ATP10B: variants seen among roughly 807,000 people sequenced by gnomAD.
ATP10B encodes ATPase phospholipid transporting 10B (putative), also known as phospholipid-transporting ATPase VB.
A neutral mutation model predicts 141.2 loss-of-function variants in ATP10B; 122 were observed. That is an observed-to-expected ratio of 0.86 (90% CI 0.75 to 1.00). The LOEUF (loss-of-function observed/expected upper bound fraction) is 1.00, where lower values mean the gene tolerates loss of function less well. Among genes scored for constraint, ATP10B ranks in the 50% least tolerant of loss-of-function variants. ATP10B has a pLI of 0.00. For missense variants in ATP10B, 1,876 were observed against 1,825.3 expected, an observed-to-expected ratio of 1.03 and a Z score of -0.51; for synonymous variants, 685 against 692.0, an observed-to-expected ratio of 0.99 and a Z score of 0.16.
chr5:160,876,333 C>A, the ATP10B span, among the ~76,000 whole-genome samples: 6 of 143,738 alleles, frequency 4.2e-5, no homozygotes, highest in African/African-American at 1.5e-4. Context: ...TTCTTTGAAA[C>A]CAACGAGAAC....
chr5:160,808,455 T>A (rs1561875859), intron 1 of ATP10B, among the ~76,000 whole-genome samples: 2 of 152,188 alleles, frequency 1.3e-5, no homozygotes, highest in African/African-American at 2.4e-5. Context: ...CAAATTTGAC[T>A]TTGTGTGTTC....
intron 21 of ATP10B, among the ~76,000 whole-genome samples, chr5:160,601,961 C>T (rs1380955570): frequency 6.6e-6 from 1 of 152,210 alleles, no homozygotes; most frequent in Non-Finnish European, 1.5e-5. Context: ...TTCACCCTCA[C>T]TCTCCCAAGG....
At chr5:160,635,254 G>C (rs1759274772) in intron 11 of ATP10B, among the ~76,000 whole-genome samples, 1 of 152,194 alleles carries the variant, frequency 6.6e-6, no homozygotes, top group African/African-American at 2.4e-5. Context: ...TGGGGGAGGA[G>C]TGTTCCGAGC....
the ATP10B span, among the ~76,000 whole-genome samples, chr5:160,917,791 C>T: frequency 6.6e-6 from 1 of 152,182 alleles, no homozygotes; most frequent in South Asian, 2.1e-4. Flanking sequence ...TGCCACCTAC[C>T]CTCCCTTCCA....
At chr5:160,900,035 T>A in the ATP10B span, among the ~76,000 whole-genome samples, 1 of 152,186 alleles carries the variant, frequency 6.6e-6, no homozygotes, top group South Asian at 2.1e-4. Flanking sequence ...TTGTGGTTGT[T>A]GTGTTATTTT....
Position 160,667,938 on chromosome 5 carries a change from C to T in ATP10B, c.675+2525G>A, listed in dbSNP as rs555588113. Among the ~76,000 whole-genome samples, 14 of 152,052 alleles carry T rather than the reference C, an allele frequency of 9.2e-5. No individual in the cohort carries two copies. In the East Asian group the frequency reaches 9.7e-4, roughly 11 times the overall value. ...CCTAGAACTTTAAAAAAAACAAAAA[C>T]GGTAGAATAGGCCAGGCACCGGGGC... On this transcript the variant is annotated intron_variant, in intron 7 of 25. Transcript: ENST00000327245.
intron 13 of ATP10B, among the ~76,000 whole-genome samples, chr5:160,624,363 C>G (rs1758505173): frequency 1.3e-5 from 2 of 152,216 alleles, no homozygotes; most frequent in South Asian, 4.1e-4. Context: ...AGCACACACT[C>G]TTCAAGAATA....
At chr5:160,665,401 ATTTT>A (rs1225654843) in intron 7 of ATP10B, among the ~76,000 whole-genome samples, 1 of 152,218 alleles carries the variant, frequency 6.6e-6, no homozygotes, top group Non-Finnish European at 1.5e-5. Context: ...TCAGGCTAAT[ATTTT>A]CTGAAAAGGT....
At chr5:160,653,863 A>G (rs867981005) in intron 7 of ATP10B, among the ~76,000 whole-genome samples, 90 of 124,476 alleles carry the variant, frequency 7.2e-4, no homozygotes, top group Middle Eastern at 0.023. Flanking sequence ...ATAAATATAT[A>G]TTAATATACG....
the ATP10B span, among the ~76,000 whole-genome samples, chr5:160,923,615 T>C: frequency 6.6e-6 from 1 of 152,208 alleles, no homozygotes; most frequent in East Asian, 1.9e-4. Flanking sequence ...GTCCAAGCTT[T>C]AACTAGATTT....
chr5:160,896,464 G>T, the ATP10B span, among the ~76,000 whole-genome samples: 7 of 152,024 alleles, frequency 4.6e-5, no homozygotes, highest in African/African-American at 1.7e-4. Flanking sequence ...TAAATTCCTG[G>T]ACATATACAC....
At chr5:160,610,689 CAAG>C (rs961293381) in intron 18 of ATP10B, among the ~76,000 whole-genome samples, 5 of 152,032 alleles carry the variant, frequency 3.3e-5, no homozygotes, top group African/African-American at 7.2e-5. Flanking sequence ...AAGAGAAGTT[CAAG>C]AAGAATGGTG....
At chr5:160,864,548 G>A in the ATP10B span, among the ~76,000 whole-genome samples, 20 of 151,218 alleles carry the variant, frequency 1.3e-4, 1 homozygote, top group African/African-American at 3.9e-4. Flanking sequence ...ACTTCTATTC[G>A]ACATAGTACT....
At chr5:160,589,083 C>T (rs1162160879) in intron 24 of ATP10B, among the ~76,000 whole-genome samples, 1 of 152,156 alleles carries the variant, frequency 6.6e-6, no homozygotes, top group African/African-American at 2.4e-5. Flanking sequence ...ATGATCTTGG[C>T]TCAGTGCAAC....
Position 160,589,576 on chromosome 5 carries a change from G to A in ATP10B, c.3750+16C>T. 2.5e-6 allele frequency: 4 copies of A among 1,596,714 alleles called. No homozygotes were observed. Among genetic ancestry groups the A allele is most frequent in the African/African-American group, 1.3e-5 (1 of 74,656 alleles). ...GGAGCACAGTTTTGAAGCCAAAGGGGCTCTGGGACACTTACCCATGTCTTC... is the reference window on the plus strand; with the variant it reads ...GGAGCACAGTTTTGAAGCCAAAGGGACTCTGGGACACTTACCCATGTCTTC... On this transcript the variant is annotated intron_variant, in intron 24 of 25. Transcript: ENST00000327245.
At chr5:160,922,742 GCTC>G in the ATP10B span, among the ~76,000 whole-genome samples, 1 of 152,190 alleles carries the variant, frequency 6.6e-6, no homozygotes, top group African/African-American at 2.4e-5. Flanking sequence ...TCTTTGAGCA[GCTC>G]CTATGTACTT....
At chr5:160,686,316 A>C in intron 5 of ATP10B, 43 bp from the exon 6 acceptor site, 1 of 1,391,448 alleles carries the variant, frequency 7.2e-7, no homozygotes, top group Non-Finnish European at 9.6e-7. Context: ...ATGGAGAAGA[A>C]AAATGTACTT....
In ATP10B at chr5:160,796,818, G is replaced by T. The variant is rs185931913; in HGVS notation, c.-575-11015C>A. ...CACCTGCACTTGGAGGACAAGAAGG[G>T]AATCCAGAGGAGGGGGAGGAAAGGG... is the stretch of plus-strand genomic sequence containing the variant. On this transcript the variant is annotated intron_variant, in intron 1 of 25. Coordinates refer to ENST00000327245, the MANE Select transcript of ATP10B (RefSeq NM_025153.3). 2.2e-3 allele frequency among the ~76,000 whole-genome samples: 337 copies of T among 152,286 alleles called. 1 individual carries two copies. Among genetic ancestry groups the T allele is most frequent in the African/African-American group, 6.9e-3 (286 of 41,552 alleles).
At chr5:160,922,972 T>C in the ATP10B span, among the ~76,000 whole-genome samples, 1 of 152,226 alleles carries the variant, frequency 6.6e-6, no homozygotes, top group Non-Finnish European at 1.5e-5. Context: ...GATGGTTTTA[T>C]TTTCAGAGGT....
Sources: gnomAD v4.1 joint callset for allele counts (sites outside exome capture counted in the v4.1 genomes callset) on GRCh38, gnomAD v4.1.1 for gene constraint, MANE v1.5 for transcripts, NCBI Gene and HGNC (gene_info 2026-07-23, HGNC 2026-07-21) for gene names.